The following TMCC1 variants were observed in gnomAD, a reference collection of about 807,000 sequenced individuals.
The protein encoded by TMCC1 is transmembrane and coiled-coil domain family 1.
Under a neutral mutation model 52.4 loss-of-function variants are expected in TMCC1, and 15 were observed. The ratio of observed to expected loss-of-function variants is 0.29; its 90% CI spans 0.19 to 0.44. The LOEUF (loss-of-function observed/expected upper bound fraction) is 0.44. TMCC1 is among the 20% of genes least tolerant of loss of function. The probability of loss-of-function intolerance (pLI) is 1.00; values close to 1 mark genes in which losing one functional copy is unlikely to be tolerated. For synonymous variants in TMCC1, 279 were observed against 301.9 expected, an observed-to-expected ratio of 0.92 and a Z score of 0.79; for missense variants, 503 against 806.0, an observed-to-expected ratio of 0.62 and a Z score of 4.55.
At chr3:129,718,921 C>CG (rs1163044843) in intron 4 of TMCC1, among the ~76,000 whole-genome samples, 1 of 152,120 alleles carries the variant, frequency 6.6e-6, no homozygotes, top group African/African-American at 2.4e-5. Flanking sequence ...AAGTTATACA[C>CG]GGATCTTTGA....
intron 4 of TMCC1, among the ~76,000 whole-genome samples, chr3:129,726,893 A>AAAAAAAAAAAAAAAAAAAAAAAAC (rs1560278979): frequency 6.9e-6 from 1 of 144,356 alleles, no homozygotes. Context: ...AAAAAAAAAA[A>AAAAAAAAAAAAAAAAAAAAAAAAC]AAAAAGAACC....
At chr3:129,664,315 A>C (rs894589537) in intron 5 of TMCC1, among the ~76,000 whole-genome samples, 3 of 152,214 alleles carry the variant, frequency 2.0e-5, no homozygotes, top group African/African-American at 7.2e-5. Flanking sequence ...ATCTGAGCAT[A>C]CATCATTGGG....
intron 4 of TMCC1, among the ~76,000 whole-genome samples, chr3:129,698,698 G>A (rs938544131): frequency 6.6e-6 from 1 of 152,130 alleles, no homozygotes; most frequent in Non-Finnish European, 1.5e-5. Context: ...GTTAGAGTTA[G>A]CAAGCTAAAG....
At chr3:129,697,601 GT>G (rs761269163) in intron 4 of TMCC1, among the ~76,000 whole-genome samples, 3 of 152,172 alleles carry the variant, frequency 2.0e-5, no homozygotes, top group Non-Finnish European at 2.9e-5. Context: ...CAGAAAACAG[GT>G]TTTTCTTTTC....
intron 4 of TMCC1, among the ~76,000 whole-genome samples, chr3:129,809,761 A>T (rs540381099): frequency 5.9e-5 from 9 of 152,248 alleles, no homozygotes; most frequent in Non-Finnish European, 1.3e-4. Context: ...TCCATACTGA[A>T]CATTAATGCA....
At chr3:129,845,242 T>A (rs1031377784) in intron 2 of TMCC1, among the ~76,000 whole-genome samples, 9 of 151,942 alleles carry the variant, frequency 5.9e-5, no homozygotes, top group African/African-American at 2.2e-4. Flanking sequence ...ACTTCCATAA[T>A]GGGCCAGGCC....
intron 4 of TMCC1, among the ~76,000 whole-genome samples, chr3:129,806,285 T>C (rs992532500): frequency 2.0e-5 from 3 of 152,120 alleles, no homozygotes; most frequent in African/African-American, 4.8e-5. Context: ...GAGACAGCAA[T>C]AGATAAAAGA....
chr3:129,734,659 G>C (rs2050801764), intron 4 of TMCC1, among the ~76,000 whole-genome samples: 1 of 152,016 alleles, frequency 6.6e-6, no homozygotes, highest in Non-Finnish European at 1.5e-5. Flanking sequence ...CTCCAGCATG[G>C]GTGACAGAGG....
chr3:129,699,513 A>G (rs993158837), intron 4 of TMCC1, among the ~76,000 whole-genome samples: 1 of 152,206 alleles, frequency 6.6e-6, no homozygotes, highest in African/African-American at 2.4e-5. Context: ...TCAAGAAGTA[A>G]CAATACATAT....
intron 5 of TMCC1, among the ~76,000 whole-genome samples, chr3:129,668,466 C>G (rs1319169369): frequency 6.6e-6 from 1 of 152,076 alleles, no homozygotes. Flanking sequence ...GAAACTTGCC[C>G]AGGTTTTCAA....
intron 4 of TMCC1, among the ~76,000 whole-genome samples, chr3:129,735,647 TA>T (rs55678236): frequency 2.5e-4 from 34 of 134,616 alleles, no homozygotes; most frequent in African/African-American, 3.1e-4. Flanking sequence ...AAGACTCTCT[TA>T]AAAAAAAAAA....
chr3:129,764,199 CTG>C (rs2053888602), intron 4 of TMCC1, among the ~76,000 whole-genome samples: 1 of 152,192 alleles, frequency 6.6e-6, no homozygotes, highest in South Asian at 2.1e-4. Flanking sequence ...ACTGTCTCCA[CTG>C]TTTTGCCATA....
At chr3:129,783,924 G>A (rs760499382) in intron 4 of TMCC1, among the ~76,000 whole-genome samples, 16 of 151,960 alleles carry the variant, frequency 1.1e-4, no homozygotes, top group Non-Finnish European at 1.5e-4. Context: ...CTGATAGCTC[G>A]GAAAGAATAT....
intron 4 of TMCC1, among the ~76,000 whole-genome samples, chr3:129,793,058 T>C (rs1367453852): frequency 1.3e-5 from 2 of 152,118 alleles, no homozygotes; most frequent in East Asian, 3.8e-4. Context: ...TATCTACCCA[T>C]CTGCTTTTTA....
chr3:129,781,438 C>G, intron 4 of TMCC1, among the ~76,000 whole-genome samples: 1 of 152,166 alleles, frequency 6.6e-6, no homozygotes, highest in African/African-American at 2.4e-5. Flanking sequence ...TTTCAAACCT[C>G]ATCTCCTTCA....
At chr3:129,719,879 T>C (rs1444347178) in intron 4 of TMCC1, among the ~76,000 whole-genome samples, 3 of 152,134 alleles carry the variant, frequency 2.0e-5, no homozygotes, top group African/African-American at 7.2e-5. Context: ...TTCCCACTCC[T>C]GTCAAGAGGT....
chr3:129,873,565 A>G (rs967612308), intron 2 of TMCC1, among the ~76,000 whole-genome samples: 8 of 152,082 alleles, frequency 5.3e-5, no homozygotes, highest in Non-Finnish European at 1.2e-4. Flanking sequence ...CTCTAGTCCC[A>G]GCTAGTCGGG....
intron 2 of TMCC1, among the ~76,000 whole-genome samples, chr3:129,845,551 T>C (rs375259438): frequency 9.4e-4 from 143 of 152,302 alleles, no homozygotes; most frequent in African/African-American, 3.4e-3. Context: ...AATACTATCA[T>C]TGAAGTATAT....
chr3:129,767,686 T>C (rs1440828094), intron 4 of TMCC1, among the ~76,000 whole-genome samples: 2 of 152,186 alleles, frequency 1.3e-5, no homozygotes, highest in Admixed American at 1.3e-4. Context: ...AAACAACCAA[T>C]AATCTACTTT....
Sources: gnomAD v4.1 joint callset for allele counts (sites outside exome capture counted in the v4.1 genomes callset) on GRCh38, gnomAD v4.1.1 for gene constraint, MANE v1.5 for transcripts, NCBI Gene and HGNC (gene_info 2026-07-23, HGNC 2026-07-21) for gene names.